CHD2: variants seen among roughly 807,000 people sequenced by gnomAD.
CHD2 encodes ATP-dependent chromatin remodeler CHD2.
Under a neutral mutation model 243.9 loss-of-function variants are expected in CHD2, and 28 were observed. The ratio of observed to expected loss-of-function variants is 0.11; its 90% confidence interval spans 0.09 to 0.16. The LOEUF is 0.16. CHD2 is among the 10% of genes least tolerant of loss of function. CHD2 has a pLI of 1.00. For synonymous variants in CHD2, 775 were observed against 779.0 expected (o/e 0.99, Z 0.09); for missense variants, 1,386 against 2,209.8 (o/e 0.63, Z 7.47).
chr15:93,000,804 A>G (rs1418290572), intron 32 of CHD2, among the ~76,000 whole-genome samples, 164 bp downstream of exon 32: 1 of 152,242 alleles, frequency 6.6e-6, no homozygotes, highest in Non-Finnish European at 1.5e-5. Context: ...AGTTTAAGTC[A>G]GCAACTGCAA....
At chr15:92,984,646 A>C in intron 25 of CHD2, 146 bp downstream of exon 25, 1 of 671,912 alleles carries the variant, frequency 1.5e-6, no homozygotes, top group Non-Finnish European at 2.2e-6. Flanking sequence ...AACTTAACAA[A>C]GGAAAGTGGA....
rs965975863 is a variant in CHD2, at chr15:92,970,406, G to A, written c.2190-1359G>A. 4.6e-5 allele frequency among the ~76,000 whole-genome samples: 7 copies of A among 152,186 alleles called. No individual in the cohort carries two copies. The East Asian group carries it at 9.7e-4, about 21-fold the overall frequency. On this transcript the variant is annotated intron_variant, in intron 17 of 38. Coordinates refer to ENST00000394196, the MANE Select transcript of CHD2 (RefSeq NM_001271.4). ...AGTAGAGATGGAGTTTCATCATGTT[G>A]GTCAGGCTGGTCTCGAACTCCCAAC...
intron 34 of CHD2, among the ~76,000 whole-genome samples, chr15:93,007,267 T>G (rs2054333538): frequency 2.6e-5 from 4 of 152,266 alleles, no homozygotes. Flanking sequence ...TATGAAATAC[T>G]GACTGAAGGT....
At position 92,900,420 on chromosome 15, in the gene CHD2, T is replaced by C. The variant is rs2052513025; in HGVS notation, c.-476T>C. 2.5e-6 allele frequency: 1 copy of C among 395,754 alleles called. No homozygotes were observed. The highest frequency in any genetic ancestry group is 4.5e-6 in the Non-Finnish European group (1 of 224,644). 24.5% of individuals were successfully genotyped at this position (395,754 alleles called of 1,614,324 possible). A position where few individuals can be genotyped will look rare whatever the true frequency, so the allele number is the denominator to read the frequency against. On this transcript the variant is annotated 5_prime_UTR_variant, in exon 1 of 39. Transcript: ENST00000394196. ...CACTTTACGCAACTTTCCCTAACTT[T>C]CGGGCAGCCTCAGGGGGCCCCCGTA...
chr15:92,945,767 C>A, intron 10 of CHD2, 54 bp from the exon 11 acceptor site: 2 of 1,184,628 alleles, frequency 1.7e-6, no homozygotes, highest in South Asian at 1.6e-5. Context: ...AACCCAAAAT[C>A]TTTCATTCTT....
intron 16 of CHD2, among the ~76,000 whole-genome samples, 194 bp from the exon 17 acceptor site, chr15:92,967,131 C>T (rs570030501): frequency 3.9e-5 from 6 of 152,258 alleles, no homozygotes; most frequent in East Asian, 1.9e-4. Context: ...GAATTGGAAA[C>T]GTGCTATTAT....
chr15:92,981,321 C>T, intron 23 of CHD2, 44 bp from the exon 24 acceptor site: 1 of 1,406,176 alleles, frequency 7.1e-7, no homozygotes, highest in Non-Finnish European at 1.0e-6. Context: ...GGCAACTCAT[C>T]TGTTGCCATT....
chr15:92,949,020 G>A lies in CHD2; in HGVS notation c.1446G>A (p.Leu482=). The change falls in exon 13 of 39, where the codon CTG becomes CTA. Residue 482 remains leucine (L), a synonymous_variant. Transcript: ENST00000394196. ...KQPAYLGGEN[L]ELRDYQLEGL... ...CTGCATATTTAGGAGGGGAGAATCT[G>A]GAACTTCGAGATTATCAGCTAGAAG... is the stretch of plus-strand genomic sequence containing the variant. 1 of 1,614,060 alleles carries A rather than the reference G, an allele frequency of 6.2e-7. No homozygotes were observed. The highest frequency in any genetic ancestry group is 8.5e-7 in the Non-Finnish European group (1 of 1,179,982).
chr15:92,904,172 G>C (rs1382234821), intron 2 of CHD2, among the ~76,000 whole-genome samples: 1 of 152,252 alleles, frequency 6.6e-6, no homozygotes, highest in African/African-American at 2.4e-5. Flanking sequence ...CTGGCATCTT[G>C]ATGCAGGTCC....
At chr15:92,906,562 A>G (rs2052624594) in intron 2 of CHD2, among the ~76,000 whole-genome samples, 1 of 151,938 alleles carries the variant, frequency 6.6e-6, no homozygotes, top group Non-Finnish European at 1.5e-5. Flanking sequence ...CCAAACTCCT[A>G]TCATTTCTCC....
chr15:92,991,801 A>G, intron 27 of CHD2: 1 of 275,516 alleles, frequency 3.6e-6, no homozygotes, highest in Non-Finnish European at 6.7e-6. Flanking sequence ...TAATTTCCAG[A>G]GAGATGTTCA....
At position 93,024,562 on chromosome 15, in the gene CHD2, C is replaced by T. The variant is rs368472482; in HGVS notation, c.5344C>T (p.Pro1782Ser). Residue 1782 changes from proline to serine, a missense_variant, in exon 39 of 39, where the codon CCT becomes TCT. By Grantham distance (74) the Pro-to-Ser change is moderately conservative. Around this residue, in one of 19 missense-constraint regions of CHD2, gnomAD observed 347 missense variants for 341.6 expected, o/e 1.02. Transcript: ENST00000394196. ...TAAACAGCCTCTACCCCCATTGCAC[C>T]CTGCAGTCTCAGATCCTCGCTCACC... is the stretch of plus-strand genomic sequence containing the variant. ...EYKQPLPPLH[P>S]AVSDPRSPPS... is the part of the protein sequence containing the mutation. 3.1e-6 allele frequency: 5 copies of T among 1,614,088 alleles called. No homozygotes were observed. The African/African-American group carries it at 6.7e-5, about 22-fold the overall frequency.
chr15:92,907,796 T>C (rs2052649789), intron 2 of CHD2, among the ~76,000 whole-genome samples: 1 of 152,176 alleles, frequency 6.6e-6, no homozygotes, highest in Non-Finnish European at 1.5e-5. Context: ...TCTTACTGTT[T>C]GTTTCATCTT....
At chr15:93,023,681 G>GTT (rs1043758356) in intron 38 of CHD2, among the ~76,000 whole-genome samples, 1 of 147,670 alleles carries the variant, frequency 6.8e-6, no homozygotes, top group Non-Finnish European at 1.5e-5. Flanking sequence ...TTTTTTTTGT[G>GTT]TTTTTTTTTA....
chr15:92,975,013 C>A, intron 20 of CHD2, 63 bp downstream of exon 20: 1 of 1,328,778 alleles, frequency 7.5e-7, no homozygotes, highest in Non-Finnish European at 1.1e-6. Flanking sequence ...GAAAGTCTCT[C>A]TCGCTTAATG....
In CHD2 at chr15:92,900,434, G is replaced by T; in HGVS notation, c.-462G>T. On this transcript the variant is annotated 5_prime_UTR_variant, in exon 1 of 39. Coordinates refer to ENST00000394196, the MANE Select transcript of CHD2 (RefSeq NM_001271.4). ...TTCCCTAACTTTCGGGCAGCCTCAG[G>T]GGGCCCCCGTAGCCCCCTGCCTTTC... The T allele has an allele frequency of 2.5e-6, 1 of 396,554 alleles. No individual in the cohort carries two copies. Among genetic ancestry groups the T allele is most frequent in the East Asian group, 3.6e-5 (1 of 27,988 alleles). 24.6% of individuals were successfully genotyped at this position (396,554 alleles called of 1,614,324 possible).
chr15:92,996,851 C>A, intron 28 of CHD2, 106 bp from the exon 29 acceptor site: 2 of 1,085,370 alleles, frequency 1.8e-6, no homozygotes, highest in South Asian at 1.8e-5. Flanking sequence ...AACAATAAGC[C>A]AGAGATATAT....
chr15:92,940,920 A>G (rs2053363554), intron 7 of CHD2, among the ~76,000 whole-genome samples: 6 of 141,366 alleles, frequency 4.2e-5, no homozygotes, highest in African/African-American at 1.6e-4. Context: ...ATATAAATAT[A>G]CATATAAATA....
At chr15:92,994,030 C>T (rs2054156637) in intron 28 of CHD2, among the ~76,000 whole-genome samples, 1 of 152,136 alleles carries the variant, frequency 6.6e-6, no homozygotes, top group Non-Finnish European at 1.5e-5. Flanking sequence ...TTCTACTTCT[C>T]CAGACTGTGG....
Sources: allele counts gnomAD v4.1 joint callset (sites outside exome capture counted in the v4.1 genomes callset), GRCh38; gene constraint gnomAD v4.1.1; regional missense constraint gnomAD v4.1.1; transcripts MANE v1.5; gene names NCBI Gene and HGNC (gene_info 2026-07-23, HGNC 2026-07-21).